The following ENPP3 variants were observed in gnomAD, a reference collection of about 807,000 sequenced individuals.
The protein encoded by ENPP3 is ectonucleotide pyrophosphatase/phosphodiesterase 3.
In ENPP3, 104 loss-of-function variants were observed where a neutral mutation model predicts 117.8. The observed-to-expected ratio is 0.88, with a 90% CI of 0.75 to 1.04. The LOEUF (loss-of-function observed/expected upper bound fraction) is 1.04, where lower values mean the gene tolerates loss of function less well. Ranked by LOEUF, ENPP3 falls within the 50% of genes least tolerant of loss-of-function variation. The probability of loss-of-function intolerance (pLI) is 0.00; values close to 1 mark genes in which losing one functional copy is unlikely to be tolerated. For synonymous variants in ENPP3, 380 were observed against 349.9 expected (o/e 1.09, Z -0.96); for missense variants, 1,026 against 1,051.9 (o/e 0.98, Z 0.34).
intron 2 of ENPP3, among the ~76,000 whole-genome samples, chr6:131,647,058 G>A (rs368746933): frequency 1.8e-4 from 27 of 148,290 alleles, no homozygotes; most frequent in African/African-American, 6.5e-4. Flanking sequence ...ATGCTTTGTA[G>A]AGACGGGGTT....
intron 24 of ENPP3, among the ~76,000 whole-genome samples, chr6:131,743,016 TAA>T (rs1206341574): frequency 6.6e-6 from 1 of 152,172 alleles, no homozygotes; most frequent in Non-Finnish European, 1.5e-5. Context: ...TCTGTATAGA[TAA>T]TTATTAGACA....
chr6:131,662,694 G>T (rs1778528951), intron 6 of ENPP3, among the ~76,000 whole-genome samples: 1 of 152,038 alleles, frequency 6.6e-6, no homozygotes, highest in African/African-American at 2.4e-5. Context: ...GGGGTGTTAT[G>T]AATTTAATTT....
At chr6:131,663,439 C>A (rs1387470810) in intron 6 of ENPP3, among the ~76,000 whole-genome samples, 1 of 149,290 alleles carries the variant, frequency 6.7e-6, no homozygotes, top group Non-Finnish European at 1.5e-5. Context: ...GCAATCCTAG[C>A]ACTTCAGAAG....
At chr6:131,694,383 T>C (rs1388787709) in intron 15 of ENPP3, among the ~76,000 whole-genome samples, 2 of 152,210 alleles carry the variant, frequency 1.3e-5, no homozygotes, top group Admixed American at 6.5e-5. Flanking sequence ...CAAATAAATA[T>C]ACACTTTGTG....
At chr6:131,738,218 A>G in intron 23 of ENPP3, 55 bp downstream of exon 23, 3 of 1,408,514 alleles carry the variant, frequency 2.1e-6, no homozygotes, top group Non-Finnish European at 2.0e-6. Flanking sequence ...GGAAATTCCA[A>G]TATTTTAAGT....
intron 6 of ENPP3, among the ~76,000 whole-genome samples, chr6:131,668,755 A>G (rs1310347130): frequency 1.3e-5 from 2 of 152,246 alleles, no homozygotes; most frequent in African/African-American, 2.4e-5. Flanking sequence ...TGAACAAAAC[A>G]TCTTTCCTGG....
intron 20 of ENPP3, among the ~76,000 whole-genome samples, chr6:131,726,686 C>T (rs7756633): frequency 0.059 from 8,919 of 149,900 alleles, 465 homozygotes; most frequent in African/African-American, 0.14. Flanking sequence ...TCTGGCACTC[C>T]AGTAAGTCAG....
chr6:131,734,371 A>G (rs1216964093), intron 21 of ENPP3, among the ~76,000 whole-genome samples: 1 of 152,188 alleles, frequency 6.6e-6, no homozygotes, highest in Non-Finnish European at 1.5e-5. Flanking sequence ...TCCCTGTGCA[A>G]CAGGAAACGT....
At chr6:131,674,726 C>T (rs781487834) in intron 8 of ENPP3, among the ~76,000 whole-genome samples, 41 of 151,792 alleles carry the variant, frequency 2.7e-4, no homozygotes, top group Non-Finnish European at 4.1e-4. Flanking sequence ...CGCACCACCA[C>T]GCCCAGCTAA....
intron 15 of ENPP3, among the ~76,000 whole-genome samples, chr6:131,695,233 C>A (rs1779379145): frequency 2.0e-5 from 3 of 152,094 alleles, no homozygotes; most frequent in Admixed American, 2.0e-4. Flanking sequence ...AGTTGGGGTA[C>A]ATTCTCCAGA....
intron 11 of ENPP3, among the ~76,000 whole-genome samples, chr6:131,679,815 G>A (rs2114407577): frequency 1.3e-5 from 2 of 152,322 alleles, no homozygotes; most frequent in Middle Eastern, 6.8e-3. Context: ...CAAGTAGACA[G>A]CGTGATCATG....
intron 15 of ENPP3, among the ~76,000 whole-genome samples, chr6:131,716,972 A>G (rs1481114246): frequency 6.6e-6 from 1 of 151,860 alleles, no homozygotes; most frequent in Non-Finnish European, 1.5e-5. Context: ...CTCAGTCTCA[A>G]AAATAAATAA....
chr6:131,690,760 G>A (rs1192489742), intron 14 of ENPP3, among the ~76,000 whole-genome samples: 2 of 151,778 alleles, frequency 1.3e-5, no homozygotes, highest in Non-Finnish European at 2.9e-5. Context: ...TTACAGTGAT[G>A]ATCACTCTGT....
Position 131,747,325 on chromosome 6 carries a change from T to C in ENPP3, c.*369T>C, listed in dbSNP as rs1278891439. 3 of 153,706 alleles carry C rather than the reference T, an allele frequency of 2.0e-5. No homozygotes were observed. Among genetic ancestry groups the C allele is most frequent in the African/African-American group, 7.2e-5 (3 of 41,516 alleles). The allele number at this position is 153,706 out of a possible 1,614,324, so 9.5% of individuals were successfully genotyped here. Reference sequence around the variant, plus strand: ...GGAGAACAAAAGAAGTATGTCTCACTTGGGAACTGAATCAACTCTAAATCA... The same window carrying C: ...GGAGAACAAAAGAAGTATGTCTCACCTGGGAACTGAATCAACTCTAAATCA... On this transcript the variant is annotated 3_prime_UTR_variant, in exon 25 of 25. Coordinates refer to ENST00000357639, the MANE Select transcript of ENPP3 (RefSeq NM_005021.5).
intron 1 of ENPP3, among the ~76,000 whole-genome samples, chr6:131,640,572 T>A (rs929525931): frequency 1.3e-5 from 2 of 152,252 alleles, no homozygotes; most frequent in Admixed American, 1.3e-4. Flanking sequence ...ATGTACTTCT[T>A]AATTATCTAA....
chr6:131,649,918 A>G, intron 2 of ENPP3, 109 bp from the exon 3 acceptor site: 1 of 1,134,494 alleles, frequency 8.8e-7, no homozygotes. Flanking sequence ...AAAATCATCT[A>G]GTTGTCTGTC....
intron 11 of ENPP3, among the ~76,000 whole-genome samples, chr6:131,680,325 G>A (rs1233339471): frequency 6.6e-6 from 1 of 152,198 alleles, no homozygotes; most frequent in Admixed American, 6.5e-5. Context: ...TCTATCATGT[G>A]CCAGCAGGTG....
intron 2 of ENPP3, among the ~76,000 whole-genome samples, chr6:131,646,470 T>C (rs574555660): frequency 1.3e-5 from 2 of 152,164 alleles, no homozygotes; most frequent in Non-Finnish European, 2.9e-5. Flanking sequence ...TTGTTTTTTC[T>C]TATCATAGTT....
At chr6:131,744,750 G>T (rs563878480) in intron 24 of ENPP3, among the ~76,000 whole-genome samples, 41 of 151,912 alleles carry the variant, frequency 2.7e-4, no homozygotes, top group South Asian at 1.0e-3. Context: ...CTCAAAAAAT[G>T]AGTTGTATTT....
Sources: gnomAD v4.1 joint callset for allele counts (sites outside exome capture counted in the v4.1 genomes callset) on GRCh38, gnomAD v4.1.1 for gene constraint, MANE v1.5 for transcripts, NCBI Gene and HGNC (gene_info 2026-07-23, HGNC 2026-07-21) for gene names.